Variants in SNX29 observed in about 807,000 individuals in gnomAD.
SNX29 encodes sorting nexin 29, also known as sorting nexin-29.
SNX29 carries 78 observed loss-of-function variants against 102.1 expected under a neutral mutation model. That is an observed-to-expected ratio of 0.76 (90% CI 0.64 to 0.92). The LOEUF (loss-of-function observed/expected upper bound fraction) is 0.92, where lower values mean the gene tolerates loss of function less well. Among genes scored for constraint, SNX29 ranks in the 40% least tolerant of loss-of-function variants. SNX29 has a pLI of 0.00. For synonymous variants in SNX29, 580 were observed against 414.5 expected (o/e 1.40, Z -4.85); for missense variants, 1,280 against 1,061.7 (o/e 1.21, Z -2.86).
chr16:12,565,092 C>G (rs376864612), intron 20 of SNX29, among the ~76,000 whole-genome samples: 5 of 152,184 alleles, frequency 3.3e-5, no homozygotes, highest in East Asian at 3.9e-4. Flanking sequence ...ATGGGGTCGT[C>G]TTCTCTTCTG....
chr16:12,330,547 G>T (rs1276133424), intron 15 of SNX29, among the ~76,000 whole-genome samples: 1 of 152,202 alleles, frequency 6.6e-6, no homozygotes, highest in Admixed American at 6.5e-5. Flanking sequence ...AGCTCTGGAC[G>T]ACAGGTGGTC....
chr16:11,979,704 C>T lies in SNX29; in HGVS notation c.7+2891C>T, dbSNP rs548433013. 1.1e-4 allele frequency among the ~76,000 whole-genome samples: 16 copies of T among 152,316 alleles called. No homozygotes were observed. The South Asian group carries it at 3.3e-3, about 32-fold the overall frequency. On this transcript the variant is annotated intron_variant, in intron 1 of 20. Transcript: ENST00000566228. ...GTTCAAGCAATTCTTCTGCCTCAGGCTCCCAAGTAGCTGGGACTATAGACA... is the reference window on the plus strand; with the variant it reads ...GTTCAAGCAATTCTTCTGCCTCAGGTTCCCAAGTAGCTGGGACTATAGACA...
chr16:12,568,442 C>T lies in SNX29; in HGVS notation c.2319-64C>T, dbSNP rs568161142. Reference sequence around the variant, plus strand: ...CCTGCCCTCACACCTGGCTCCCCTTCCTGGCCTGTGGTCATTTGCTTTTCA... The same window carrying T: ...CCTGCCCTCACACCTGGCTCCCCTTTCTGGCCTGTGGTCATTTGCTTTTCA... On this transcript the variant is annotated intron_variant, in intron 20 of 20. Coordinates refer to ENST00000566228, the MANE Select transcript of SNX29 (RefSeq NM_032167.5). The T allele has an allele frequency of 6.0e-5, 95 of 1,591,908 alleles. 1 individual carries two copies. The highest frequency in any genetic ancestry group is 3.1e-4 in the South Asian group (28 of 89,118).
intron 16 of SNX29, among the ~76,000 whole-genome samples, chr16:12,384,480 C>CA (rs2083280882): frequency 6.6e-6 from 1 of 152,162 alleles, no homozygotes; most frequent in Non-Finnish European, 1.5e-5. Flanking sequence ...GATTGGAGCA[C>CA]CTTTTCATAG....
At position 12,461,912 on chromosome 16, in the gene SNX29, C is replaced by T. The variant is rs139442298; in HGVS notation, c.2038-15807C>T. ...CGGAGGTTGCAGTGAGCTGAGATTG[C>T]GCCACTGCACTCCAACCTGGGTGAC... On this transcript the variant is annotated intron_variant, in intron 18 of 20. Coordinates refer to ENST00000566228, the MANE Select transcript of SNX29 (RefSeq NM_032167.5). Among the ~76,000 whole-genome samples, 1,061 of 131,070 alleles carry T rather than the reference C, an allele frequency of 8.1e-3. 21 individuals carry two copies. The highest frequency in any genetic ancestry group is 0.029 in the African/African-American group (998 of 34,420). 86.0% of individuals were successfully genotyped at this position (131,070 alleles called of 152,430 possible).
chr16:12,127,087 C>T lies in SNX29; in HGVS notation c.1466+391C>T, dbSNP rs571131077. ...TTCAAGACCAGCCTTGGTGAAACCC[C>T]GTCTCTACTAAAAATACAAAAATTA... is the stretch of plus-strand genomic sequence containing the variant. On this transcript the variant is annotated intron_variant, in intron 12 of 20. Coordinates refer to ENST00000566228, the MANE Select transcript of SNX29 (RefSeq NM_032167.5). Among the ~76,000 whole-genome samples, 86 of 151,910 alleles carry T rather than the reference C, an allele frequency of 5.7e-4. 1 individual carries two copies. Among genetic ancestry groups the T allele is most frequent in the African/African-American group, 1.5e-3 (61 of 41,434 alleles).
intron 19 of SNX29, among the ~76,000 whole-genome samples, chr16:12,515,886 G>A (rs940708012): frequency 3.9e-5 from 6 of 152,014 alleles, no homozygotes; most frequent in East Asian, 1.9e-4. Context: ...TAACTCGATG[G>A]TGCACCACGA....
intron 20 of SNX29, among the ~76,000 whole-genome samples, chr16:12,559,998 C>T (rs1723510465): frequency 2.0e-5 from 3 of 152,162 alleles, no homozygotes; most frequent in South Asian, 2.1e-4. Context: ...ATTTTGCAAG[C>T]AACTTCACTT....
intron 20 of SNX29, among the ~76,000 whole-genome samples, chr16:12,537,312 G>A (rs2077120524): frequency 6.6e-6 from 1 of 152,202 alleles, no homozygotes; most frequent in African/African-American, 2.4e-5. Context: ...TTAGTATAGT[G>A]GCTAAGCCAA....
intron 11 of SNX29, among the ~76,000 whole-genome samples, chr16:12,110,874 A>C (rs2053475776): frequency 6.6e-6 from 1 of 151,314 alleles, no homozygotes; most frequent in Non-Finnish European, 1.5e-5. Flanking sequence ...CCCAGGCTGG[A>C]GTGCAGTGGT....
chr16:12,438,143 G>T (rs924399826), intron 18 of SNX29, among the ~76,000 whole-genome samples: 2 of 151,980 alleles, frequency 1.3e-5, no homozygotes, highest in Non-Finnish European at 2.9e-5. Context: ...AGGTGAGGGG[G>T]CAGGAGTAGG....
chr16:12,380,788 TCCACCCACAC>T (rs2083080587), intron 16 of SNX29, among the ~76,000 whole-genome samples: 1 of 17,134 alleles, frequency 5.8e-5, no homozygotes. Context: ...CATCCACCCA[TCCACCCACAC>T]ACCATCCATC....
intron 16 of SNX29, among the ~76,000 whole-genome samples, chr16:12,373,400 G>C (rs925388480): frequency 6.6e-6 from 1 of 152,176 alleles, no homozygotes; most frequent in African/African-American, 2.4e-5. Context: ...ATAGTGCTGG[G>C]ATTACAAGTA....
At chr16:12,435,798 C>A (rs778387453) in intron 18 of SNX29, among the ~76,000 whole-genome samples, 1 of 152,172 alleles carries the variant, frequency 6.6e-6, no homozygotes, top group Non-Finnish European at 1.5e-5. Context: ...GGTGAGGATG[C>A]ACTTTGTTGG....
intron 18 of SNX29, among the ~76,000 whole-genome samples, chr16:12,456,906 G>A (rs997534502): frequency 6.6e-6 from 1 of 152,184 alleles, no homozygotes; most frequent in Non-Finnish European, 1.5e-5. Flanking sequence ...CGGGGCATTA[G>A]CATCTTGTCT....
intron 4 of SNX29, among the ~76,000 whole-genome samples, chr16:12,040,812 C>T (rs1169390467): frequency 6.6e-6 from 1 of 152,204 alleles, no homozygotes; most frequent in Non-Finnish European, 1.5e-5. Flanking sequence ...TATGCATATA[C>T]ACTCATACAA....
intron 20 of SNX29, among the ~76,000 whole-genome samples, chr16:12,554,537 C>CG (rs2078202095): frequency 6.6e-6 from 1 of 152,218 alleles, no homozygotes; most frequent in Non-Finnish European, 1.5e-5. Flanking sequence ...TTCTCGCCCA[C>CG]GTTTTTGTGA....
Position 12,524,699 on chromosome 16 carries a change from C to T in SNX29, c.2179-3C>T. ...AAAGCGAAGATGTTTTGTGTTTCCT[C>T]AGGATGCCAAGTTTGTGGAGGAACG... is the stretch of plus-strand genomic sequence containing the variant. On this transcript the variant is annotated splice_polypyrimidine_tract_variant and splice_region_variant and intron_variant, in intron 19 of 20. Transcript: ENST00000566228. 6.2e-7 allele frequency: 1 copy of T among 1,612,790 alleles called. No homozygotes were observed. Among genetic ancestry groups the T allele is most frequent in the Non-Finnish European group, 8.5e-7 (1 of 1,179,336 alleles).
At chr16:12,319,664 A>G (rs1025901307) in intron 15 of SNX29, among the ~76,000 whole-genome samples, 2 of 152,180 alleles carry the variant, frequency 1.3e-5, no homozygotes, top group Admixed American at 6.5e-5. Flanking sequence ...TTCACAGACC[A>G]GGAAACTGAC....
Sources: gnomAD v4.1 joint callset for allele counts (sites outside exome capture counted in the v4.1 genomes callset) on GRCh38, gnomAD v4.1.1 for gene constraint, MANE v1.5 for transcripts, NCBI Gene and HGNC (gene_info 2026-07-23, HGNC 2026-07-21) for gene names.